Variants in CYTH1 observed in about 807,000 individuals in gnomAD.
CYTH1 encodes cytohesin 1, also known as cytohesin-1.
A neutral mutation model predicts 61.8 loss-of-function variants in CYTH1; 18 were observed. The ratio of observed to expected loss-of-function variants is 0.29; its 90% CI spans 0.20 to 0.43. The LOEUF is 0.43. CYTH1 is among the 20% of genes least tolerant of loss of function. The probability of loss-of-function intolerance (pLI) is 1.00; values close to 1 mark genes in which losing one functional copy is unlikely to be tolerated. For missense variants in CYTH1, 336 were observed against 510.5 expected (o/e 0.66, Z 3.29); for synonymous variants, 174 against 184.3 (o/e 0.94, Z 0.45).
intron 1 of CYTH1, among the ~76,000 whole-genome samples, chr17:78,774,063 T>TAA (rs59171775): frequency 4.7e-4 from 71 of 151,904 alleles, no homozygotes; most frequent in African/African-American, 1.4e-3. Flanking sequence ...TTGTTTGTTT[T>TAA]AAAAAAAAAC....
At chr17:78,722,345 C>T (rs1239882390) in intron 1 of CYTH1, among the ~76,000 whole-genome samples, 2 of 152,166 alleles carry the variant, frequency 1.3e-5, no homozygotes, top group Non-Finnish European at 2.9e-5. Context: ...CGAAAGGATC[C>T]CAGGGACTGG....
chr17:78,710,306 C>T (rs1253352764), intron 1 of CYTH1, among the ~76,000 whole-genome samples: 3 of 152,212 alleles, frequency 2.0e-5, no homozygotes, highest in African/African-American at 7.2e-5. Context: ...ACTCTGGGAA[C>T]TGGGACTATG....
At position 78,730,646 on chromosome 17, in the gene CYTH1, C is replaced by T. The variant is rs372748018; in HGVS notation, c.23-20914G>A. On this transcript the variant is annotated intron_variant, in intron 1 of 13. Transcript: ENST00000446868. Reference sequence around the variant, plus strand: ...CTGTAGAGGAAGGAAGAACATGATACAAGTTACGAAATTATTATTATTATT... The same window carrying T: ...CTGTAGAGGAAGGAAGAACATGATATAAGTTACGAAATTATTATTATTATT... Among the ~76,000 whole-genome samples, 20 of 151,740 alleles carry T rather than the reference C, an allele frequency of 1.3e-4. 4 individuals are homozygous for T. The highest frequency in any genetic ancestry group is 2.6e-4 in the Admixed American group (4 of 15,240).
intron 1 of CYTH1, among the ~76,000 whole-genome samples, chr17:78,778,573 G>A (rs1378537529): frequency 6.9e-6 from 1 of 145,914 alleles, no homozygotes; most frequent in Non-Finnish European, 1.5e-5. Flanking sequence ...AGCAGGCAGA[G>A]GTTGCAGTGA....
intron 12 of CYTH1, 152 bp downstream of exon 12, chr17:78,680,819 T>C: frequency 1.3e-6 from 1 of 788,684 alleles, no homozygotes; most frequent in Non-Finnish European, 2.1e-6. Flanking sequence ...TGATTTCGAG[T>C]CTCATCTTTG....
intron 1 of CYTH1, among the ~76,000 whole-genome samples, chr17:78,712,431 T>C (rs950193117): frequency 2.0e-5 from 3 of 151,876 alleles, no homozygotes; most frequent in Admixed American, 6.6e-5. Context: ...GGTGAGTAGA[T>C]CACCTGAAGT....
At chr17:78,771,885 G>A (rs1395985275) in intron 1 of CYTH1, among the ~76,000 whole-genome samples, 1 of 152,032 alleles carries the variant, frequency 6.6e-6, no homozygotes, top group Non-Finnish European at 1.5e-5. Flanking sequence ...ACAATGTCAC[G>A]CTATCCTGGA....
chr17:78,711,268 A>G (rs2093126953), intron 1 of CYTH1, among the ~76,000 whole-genome samples: 4 of 126,314 alleles, frequency 3.2e-5, no homozygotes, highest in Admixed American at 3.1e-4. Flanking sequence ...TCTCAAATAA[A>G]TAAATAAATA....
chr17:78,702,747 A>T, intron 3 of CYTH1, 143 bp from the exon 4 acceptor site: 1 of 849,982 alleles, frequency 1.2e-6, no homozygotes, highest in Non-Finnish European at 1.9e-6. Flanking sequence ...GAACTATGAA[A>T]GGCCAACTGA....
In CYTH1 at chr17:78,702,232, C is replaced by G. The variant is rs759182326; in HGVS notation, c.246G>C (p.Gln82His). Residue 82 changes from glutamine to histidine, a missense_variant, in exon 5 of 14, where the codon CAG becomes CAC. Gln to His is a conservative substitution (Grantham distance 24, BLOSUM62 0). Around this residue, in one of 4 missense-constraint regions of CYTH1, gnomAD observed 112 missense variants for 127.1 expected, o/e 0.88. Coordinates refer to ENST00000446868, the MANE Select transcript of CYTH1 (RefSeq NM_004762.6). ...TCAGGAGGTCGTTCTCTATTAAGAA[C>G]TGGATCCCCTAGAAAAAGACAACAA... ...KFNMDPKKGI[Q>H]FLIENDLLKN... 1.9e-6 allele frequency: 3 copies of G among 1,613,064 alleles called. No individual in the cohort carries two copies. Among genetic ancestry groups the G allele is most frequent in the Admixed American group, 1.7e-5 (1 of 59,862 alleles).
At chr17:78,681,633 C>G (rs2050743136) in intron 11 of CYTH1, among the ~76,000 whole-genome samples, 1 of 152,308 alleles carries the variant, frequency 6.6e-6, no homozygotes, top group Admixed American at 6.5e-5. Context: ...CTACAGAGGG[C>G]ACGGCACCGC....
intron 1 of CYTH1, among the ~76,000 whole-genome samples, chr17:78,775,700 C>G (rs923636665): frequency 2.6e-5 from 4 of 152,142 alleles, no homozygotes; most frequent in African/African-American, 4.8e-5. Flanking sequence ...GACGTCTCTT[C>G]CTTTTCATTT....
At chr17:78,767,366 CCCCAGGCT>C (rs1415540576) in intron 1 of CYTH1, among the ~76,000 whole-genome samples, 7 of 152,108 alleles carry the variant, frequency 4.6e-5, no homozygotes, top group Non-Finnish European at 8.8e-5. Context: ...AGCTGAAAGT[CCCCAGGCT>C]CCCATAGCAT....
At chr17:78,696,573 T>A (rs1182756916) in intron 9 of CYTH1, 1 of 152,802 alleles carries the variant, frequency 6.5e-6, no homozygotes, top group Non-Finnish European at 1.5e-5. Flanking sequence ...CAAAGAGTGA[T>A]ACTAAGTGTG....
chr17:78,692,544 C>T, intron 10 of CYTH1, 51 bp from the exon 11 acceptor site: 1 of 1,575,750 alleles, frequency 6.3e-7, no homozygotes, highest in Non-Finnish European at 8.7e-7. Context: ...CAGACAAGTG[C>T]AGGCTCCACG....
rs536303950 is a variant in CYTH1, at chr17:78,722,650, C to T, written c.23-12918G>A. Among the ~76,000 whole-genome samples the T allele has an allele frequency of 4.6e-5, 7 of 152,358 alleles. No homozygotes were observed. The South Asian group carries it at 1.4e-3, about 32-fold the overall frequency. ...AGTCAATTCTCTCTCACTTTACCCTCAGTGGCTCAGATCTGTTTGTTTGCT... is the reference window on the plus strand; with the variant it reads ...AGTCAATTCTCTCTCACTTTACCCTTAGTGGCTCAGATCTGTTTGTTTGCT... On this transcript the variant is annotated intron_variant, in intron 1 of 13. Coordinates refer to ENST00000446868, the MANE Select transcript of CYTH1 (RefSeq NM_004762.6).
intron 1 of CYTH1, among the ~76,000 whole-genome samples, chr17:78,771,975 AAAC>A (rs1418345863): frequency 6.6e-5 from 10 of 152,272 alleles, no homozygotes; most frequent in East Asian, 1.9e-4. Context: ...CAGAGAAGCA[AAAC>A]AACATTACCA....
rs1598801172 is a variant in CYTH1 at position 78,675,655 on chromosome 17, T to C, written c.*436A>G. On this transcript the variant is annotated 3_prime_UTR_variant, in exon 14 of 14. Coordinates refer to ENST00000446868, the MANE Select transcript of CYTH1 (RefSeq NM_004762.6). The stretch of plus-strand genomic sequence containing the variant: ...TTAAAAAAAAAAAAATAGATCTTTA[T>C]AGTATGTGGCTTCTCTTCCTTTCCA... 8.0e-6 allele frequency: 3 copies of C among 375,394 alleles called. No homozygotes were observed. Among genetic ancestry groups the C allele is most frequent in the South Asian group, 1.0e-4 (1 of 9,860 alleles). The allele number at this position is 375,394 out of a possible 1,614,324, so 23.3% of individuals were successfully genotyped here.
chr17:78,686,034 G>T (rs1474860698), intron 11 of CYTH1, among the ~76,000 whole-genome samples: 1 of 152,068 alleles, frequency 6.6e-6, no homozygotes, highest in Non-Finnish European at 1.5e-5. Flanking sequence ...GCAGATTCAG[G>T]GCTTTTTCCT....
Sources: gnomAD v4.1 joint callset for allele counts (sites outside exome capture counted in the v4.1 genomes callset) on GRCh38, gnomAD v4.1.1 for gene constraint, gnomAD v4.1.1 regional missense constraint, MANE v1.5 for transcripts, NCBI Gene and HGNC (gene_info 2026-07-23, HGNC 2026-07-21) for gene names.